Variants in TF observed in about 807,000 individuals in gnomAD.
The protein encoded by TF is transferrin, also known as serotransferrin.
TF carries 55 observed loss-of-function variants against 82.4 expected under a neutral mutation model. The ratio of observed to expected loss-of-function variants is 0.67; its 90% confidence interval spans 0.54 to 0.84. TF has a LOEUF of 0.84. TF is among the 40% of genes least tolerant of loss of function. TF has a pLI of 0.00. For missense variants in TF, 737 were observed against 868.4 expected, an observed-to-expected ratio of 0.85 and a Z score of 1.90; for synonymous variants, 332 against 332.6, an observed-to-expected ratio of 1.00 and a Z score of 0.02.
Position 133,757,832 on chromosome 3 carries a change from C to A in TF, c.934C>A (p.Leu312Met). Residue 312 changes from leucine (L) to methionine (M), a missense_variant, in exon 8 of 17, where the codon CTG (leucine) becomes ATG (methionine). Coordinates refer to ENST00000402696, the MANE Select transcript of TF (RefSeq NM_001063.4). The part of the protein sequence containing the change: ...QLFSSPHGKD[L>M]LFKDSAHGFL... ...ATTCAGCTCTCCTCATGGGAAGGAC[C>A]TGCTGTTTAAGGACTCTGCCCACGG... The A allele has an allele frequency of 6.2e-7, 1 of 1,614,186 alleles. No homozygotes were observed. Among genetic ancestry groups the A allele is most frequent in the Non-Finnish European group, 8.5e-7 (1 of 1,180,030 alleles).
chr3:133,733,228 C>CT, the TF span, among the ~76,000 whole-genome samples: 1 of 152,068 alleles, frequency 6.6e-6, no homozygotes, highest in Non-Finnish European at 1.5e-5. Context: ...CACAGCCTTC[C>CT]TTTCCACTCC....
chr3:133,739,900 T>A, the TF span, among the ~76,000 whole-genome samples: 2 of 152,354 alleles, frequency 1.3e-5, no homozygotes, highest in African/African-American at 2.4e-5. Flanking sequence ...GTAAATTAGT[T>A]CAACCTTTGT....
chr3:133,723,637 T>A, the TF span, among the ~76,000 whole-genome samples: 66,948 of 143,504 alleles, frequency 0.47, 15,525 homozygotes, highest in South Asian at 0.58. Flanking sequence ...GTTTGGTTCT[T>A]TTATTATTAT....
chr3:133,769,674 G>A (rs2107928632), intron 13 of TF, among the ~76,000 whole-genome samples: 1 of 152,306 alleles, frequency 6.6e-6, no homozygotes, highest in South Asian at 2.1e-4. Flanking sequence ...TTTCCTTGAA[G>A]CAAGGGGATT....
In TF at chr3:133,781,721, AATG is replaced by A. The variant is rs1403061573; in HGVS notation, c.*3104_*3106del. The A allele has an allele frequency of 6.6e-6, 1 of 152,206 alleles. No homozygotes were observed. The highest frequency in any genetic ancestry group is 2.4e-5 in the African/African-American group (1 of 41,450). 9.4% of individuals were successfully genotyped at this position (152,206 alleles called of 1,614,324 possible). Reference sequence around the variant, plus strand: ...AGAGCTCTTCCAGCTGTTAAAATGTAATGATAAGCTCCTGAACCTTGGCCTTAG... The same window carrying A: ...AGAGCTCTTCCAGCTGTTAAAATGTAATAAGCTCCTGAACCTTGGCCTTAG... On this transcript the variant is annotated 3_prime_UTR_variant, in exon 17 of 17. Coordinates refer to ENST00000402696, the MANE Select transcript of TF (RefSeq NM_001063.4).
Position 133,764,184 on chromosome 3 carries a change from T to C in TF, c.1206T>C (p.Asn402=). The C allele has an allele frequency of 1.2e-6, 2 of 1,613,750 alleles. No individual in the cohort carries two copies. The highest frequency in any genetic ancestry group is 8.5e-7 in the Non-Finnish European group (1 of 1,179,698). ...TTEDCIAKIM[N]GEADAMSLDG... is the part of the protein sequence containing the mutation. The stretch of plus-strand genomic sequence containing the variant: ...TGTGATTTGCTGTGTCTTTGCAGAA[T>C]GGAGAAGCTGATGCCATGAGCTTGG... The change falls in exon 10 of 17, where the codon AAT becomes AAC. Residue 402 remains asparagine, a splice_region_variant and synonymous_variant. Coordinates refer to ENST00000402696, the MANE Select transcript of TF (RefSeq NM_001063.4).
chr3:133,714,967 G>A, the TF span, among the ~76,000 whole-genome samples: 3 of 152,198 alleles, frequency 2.0e-5, no homozygotes, highest in African/African-American at 2.4e-5. Context: ...ACAGGTGTGA[G>A]CCACCACACC....
In TF at chr3:133,780,055, A is replaced by C. The variant is rs957788167; in HGVS notation, c.*1435A>C. ...CTGACTCCTAACACAGCCTCATCTT[A>C]TACTCAAATACAGAAGTGCAGATAA... On this transcript the variant is annotated 3_prime_UTR_variant, in exon 17 of 17. Coordinates refer to ENST00000402696, the MANE Select transcript of TF (RefSeq NM_001063.4). 5.3e-5 allele frequency: 8 copies of C among 152,212 alleles called. No homozygotes were observed. Among genetic ancestry groups the C allele is most frequent in the African/African-American group, 1.7e-4 (7 of 41,446 alleles). 9.4% of individuals were successfully genotyped at this position (152,212 alleles called of 1,614,324 possible). A position where few individuals can be genotyped will look rare whatever the true frequency, so the allele number is the denominator to read the frequency against.
chr3:133,737,289 C>G, the TF span, among the ~76,000 whole-genome samples: 1,999 of 152,188 alleles, frequency 0.013, 40 homozygotes, highest in African/African-American at 0.045. Context: ...CACAATGTAC[C>G]AGAATCTCTG....
intron 5 of TF, among the ~76,000 whole-genome samples, chr3:133,755,964 C>A (rs1933815527): frequency 6.6e-6 from 1 of 152,188 alleles, no homozygotes; most frequent in Non-Finnish European, 1.5e-5. Flanking sequence ...AGTTTTACAA[C>A]CAGCCAAAGG....
chr3:133,746,140 G>C (rs961273833), upstream of TF: 1 of 501,366 alleles, frequency 2.0e-6, no homozygotes, highest in African/African-American at 1.9e-5. Context: ...TCCTGGCACC[G>C]AGCGAGCCGC....
chr3:133,680,955 G>A, the TF span, among the ~76,000 whole-genome samples: 255 of 152,278 alleles, frequency 1.7e-3, 6 homozygotes, highest in East Asian at 0.035. Flanking sequence ...GGAAAGAAAC[G>A]TGCTTGGCAC....
intron 5 of TF, chr3:133,755,914 T>C (rs1933813604): frequency 4.6e-6 from 2 of 433,348 alleles, no homozygotes; most frequent in South Asian, 2.6e-5. Flanking sequence ...TCTGGGAAGC[T>C]GATTTCTTGC....
Position 133,748,493 on chromosome 3 carries a change from G to C in TF, c.125G>C (p.Arg42Pro), listed in dbSNP as rs41298293. Reference protein sequence around the residue: ...EHEATKCQSFRDHMKSVIPSD... With the variant: ...EHEATKCQSFPDHMKSVIPSD... Reference sequence around the variant, plus strand: ...GAGGCCACTAAGTGCCAGAGTTTCCGCGACCATATGAAAAGCGTCATTCCA... The same window carrying C: ...GAGGCCACTAAGTGCCAGAGTTTCCCCGACCATATGAAAAGCGTCATTCCA... Residue 42 changes from arginine (R) to proline (P), a missense_variant, in exon 2 of 17, where the codon CGC becomes CCC. Arg to Pro is a moderately radical substitution (Grantham distance 103). Coordinates refer to ENST00000402696, the MANE Select transcript of TF (RefSeq NM_001063.4). The C allele has an allele frequency of 6.2e-7, 1 of 1,613,992 alleles. No homozygotes were observed. Among genetic ancestry groups the C allele is most frequent in the African/African-American group, 1.3e-5 (1 of 74,904 alleles).
chr3:133,774,983 T>C (rs2715626), intron 14 of TF: 75,452 of 340,424 alleles, frequency 0.22, 9,166 homozygotes, highest in Non-Finnish European at 0.25. Context: ...GGGAGTCAGA[T>C]TTAAAATTCT....
chr3:133,789,878 CG>C lies in TF; in HGVS notation c.*11259del, dbSNP rs1278111264. On this transcript the variant is annotated 3_prime_UTR_variant, in exon 17 of 17. Coordinates refer to ENST00000402696, the MANE Select transcript of TF (RefSeq NM_001063.4). ...AGCCAAAACAAAACGATCTCGTTTG[CG>C]TTTTTTTTTTTTTTTTTTTTTTTTT... The C allele has an allele frequency of 2.9e-3, 150 of 52,432 alleles. No individual in the cohort carries two copies. Among genetic ancestry groups the C allele is most frequent in the African/African-American group, 0.01 (111 of 10,754 alleles). 3.2% of individuals were successfully genotyped at this position (52,432 alleles called of 1,614,324 possible).
At chr3:133,666,321 TG>T in the TF span, among the ~76,000 whole-genome samples, 1 of 151,986 alleles carries the variant, frequency 6.6e-6, no homozygotes, top group African/African-American at 2.4e-5. Flanking sequence ...TACAGGCATG[TG>T]CCACCATGCC....
In TF at chr3:133,778,714, A is replaced by G; in HGVS notation, c.*94A>G. ...TTCACTGGCCCAAGTGGTTTGTGCT[A>G]ACCACGTCTGTCTTCACAGCTCTGT... On this transcript the variant is annotated 3_prime_UTR_variant, in exon 17 of 17. Transcript: ENST00000402696. 1 of 1,342,122 alleles carries G rather than the reference A, an allele frequency of 7.5e-7. No homozygotes were observed. 83.1% of individuals were successfully genotyped at this position (1,342,122 alleles called of 1,614,324 possible). A position where few individuals can be genotyped will look rare whatever the true frequency, so the allele number is the denominator to read the frequency against.
chr3:133,737,543 GA>G, the TF span, among the ~76,000 whole-genome samples: 1 of 151,804 alleles, frequency 6.6e-6, no homozygotes, highest in Non-Finnish European at 1.5e-5. Context: ...CTGGTTTTTT[GA>G]AAAGATTAAC....
Sources: allele counts gnomAD v4.1 joint callset (sites outside exome capture counted in the v4.1 genomes callset), GRCh38; gene constraint gnomAD v4.1.1; transcripts MANE v1.5; gene names NCBI Gene and HGNC (gene_info 2026-07-23, HGNC 2026-07-21).